Variants in NRXN1 observed in about 807,000 individuals in gnomAD.
The protein encoded by NRXN1 is neurexin-1.
In NRXN1, 39 loss-of-function variants were observed where a neutral mutation model predicts 150.9. That is an observed-to-expected ratio of 0.26 (90% confidence interval 0.20 to 0.34). NRXN1 has a LOEUF of 0.34. NRXN1 is among the 10% of genes least tolerant of loss of function. The probability of loss-of-function intolerance (pLI) is 1.00; values close to 1 mark genes in which losing one functional copy is unlikely to be tolerated. For missense variants in NRXN1, 1,815 were observed against 1,949.9 expected (o/e 0.93, Z 1.30); for synonymous variants, 924 against 757.0 (o/e 1.22, Z -3.62).
chr2:50,128,591 CT>C (rs1355118635), intron 18 of NRXN1, among the ~76,000 whole-genome samples: 1 of 152,184 alleles, frequency 6.6e-6, no homozygotes, highest in African/African-American at 2.4e-5. Flanking sequence ...ATTAATCTCA[CT>C]GGAATTGCTG....
chr2:50,577,406 C>T (rs1027941853), intron 8 of NRXN1, among the ~76,000 whole-genome samples: 1 of 150,912 alleles, frequency 6.6e-6, no homozygotes, highest in Admixed American at 6.6e-5. Flanking sequence ...GTATCTAATT[C>T]TATGTCTCAT....
chr2:50,595,369 G>A (rs1407196472), intron 8 of NRXN1, among the ~76,000 whole-genome samples: 5 of 150,958 alleles, frequency 3.3e-5, no homozygotes, highest in African/African-American at 1.2e-4. Context: ...TTTGCAAGAA[G>A]TGGGGCATGC....
chr2:50,682,408 C>G (rs548134364), intron 5 of NRXN1, among the ~76,000 whole-genome samples: 15 of 152,194 alleles, frequency 9.9e-5, no homozygotes, highest in South Asian at 2.1e-4. Flanking sequence ...TAAGAATAGG[C>G]TTTGAACACA....
At chr2:50,680,639 A>G (rs1690242652) in intron 5 of NRXN1, among the ~76,000 whole-genome samples, 1 of 152,130 alleles carries the variant, frequency 6.6e-6, no homozygotes, top group Non-Finnish European at 1.5e-5. Context: ...AGAATATTAC[A>G]CAGCCTTTGT....
chr2:50,957,497 C>A (rs1243728144), intron 2 of NRXN1, among the ~76,000 whole-genome samples: 3 of 152,044 alleles, frequency 2.0e-5, no homozygotes, highest in African/African-American at 7.2e-5. Flanking sequence ...AATAGCCCTA[C>A]AACAAAAATT....
intron 2 of NRXN1, among the ~76,000 whole-genome samples, chr2:50,968,060 A>G (rs913938454): frequency 6.6e-6 from 1 of 152,198 alleles, no homozygotes; most frequent in East Asian, 1.9e-4. Context: ...TGATTAAAAT[A>G]AAATAAGACT....
At chr2:50,207,128 A>T (rs527673) in intron 18 of NRXN1, among the ~76,000 whole-genome samples, 56,121 of 151,928 alleles carry the variant, frequency 0.37, 11,014 homozygotes, top group Non-Finnish European at 0.43. Flanking sequence ...TGGGGTATAA[A>T]CAAGATTAAT....
rs58970263 is a variant in NRXN1 at position 50,658,411 on chromosome 2, G to GGT, written c.833-34798_833-34797dup. Among the ~76,000 whole-genome samples the GGT allele has an allele frequency of 2.0e-3, 286 of 144,760 alleles. 2 individuals are homozygous for GGT. In the East Asian group the frequency reaches 0.022, roughly 11 times the overall value. 95.0% of individuals were successfully genotyped at this position (144,760 alleles called of 152,430 possible). A position where few individuals can be genotyped will look rare whatever the true frequency, so the allele number is the denominator to read the frequency against. Reference sequence around the variant, plus strand: ...TTAATTTACAGGAAATGCATTCACTGGTGTGTGTGTGTGTGTGTGTGTGTG... The same window carrying GGT: ...TTAATTTACAGGAAATGCATTCACTGGTGTGTGTGTGTGTGTGTGTGTGTGTG... On this transcript the variant is annotated intron_variant, in intron 5 of 22. Transcript: ENST00000401669.
chr2:50,069,853 T>TTTG (rs1553557564), intron 19 of NRXN1, among the ~76,000 whole-genome samples: 14 of 73,430 alleles, frequency 1.9e-4, no homozygotes, highest in African/African-American at 7.4e-4. Flanking sequence ...GGGGGTTTTT[T>TTTG]TTTTTTTTTT....
chr2:50,512,895 T>C (rs2092504697), intron 12 of NRXN1, among the ~76,000 whole-genome samples: 1 of 152,170 alleles, frequency 6.6e-6, no homozygotes, highest in Non-Finnish European at 1.5e-5. Flanking sequence ...ACGGGTGTGT[T>C]TTTTCACATA....
Position 49,947,810 on chromosome 2 carries a change from T to C in NRXN1, c.4129-4019A>G, listed in dbSNP as rs148304839. Among the ~76,000 whole-genome samples the C allele has an allele frequency of 3.3e-3, 498 of 152,182 alleles. 3 individuals carry two copies. Among genetic ancestry groups the C allele is most frequent in the African/African-American group, 0.011 (467 of 41,540 alleles). On this transcript the variant is annotated intron_variant, in intron 21 of 22. Transcript: ENST00000401669. ...TCTCCTAAAAATATGGACAGCATAA[T>C]AGTATCTATTGTTACAAGGATGAAA... is the stretch of plus-strand genomic sequence containing the variant.
At chr2:50,107,551 T>TA (rs1701842221) in intron 18 of NRXN1, among the ~76,000 whole-genome samples, 2 of 142,726 alleles carry the variant, frequency 1.4e-5, no homozygotes, top group Admixed American at 6.9e-5. Context: ...TTTTTTTTTT[T>TA]ACCCAAGTAC....
At chr2:50,770,665 A>C (rs1702903395) in intron 5 of NRXN1, among the ~76,000 whole-genome samples, 1 of 152,102 alleles carries the variant, frequency 6.6e-6, no homozygotes, top group African/African-American at 2.4e-5. Flanking sequence ...AAATAAATTC[A>C]GCATATTCTT....
At chr2:50,659,478 A>G (rs1278796834) in intron 5 of NRXN1, among the ~76,000 whole-genome samples, 2 of 151,846 alleles carry the variant, frequency 1.3e-5, no homozygotes, top group Non-Finnish European at 2.9e-5. Context: ...ACACATTGGT[A>G]TACTGTCTGG....
rs562085142 is a variant in NRXN1 at position 50,805,475 on chromosome 2, C to T, written c.832+116394G>A. Reference sequence around the variant, plus strand: ...TTCGAGACCAGCCTGGCCGACATGGCAAACCCCATCATTACTAAAAAAATA... The same window carrying T: ...TTCGAGACCAGCCTGGCCGACATGGTAAACCCCATCATTACTAAAAAAATA... On this transcript the variant is annotated intron_variant, in intron 5 of 22. Coordinates refer to ENST00000401669, the MANE Select transcript of NRXN1 (RefSeq NM_001330078.2). 1.2e-4 allele frequency among the ~76,000 whole-genome samples: 18 copies of T among 152,016 alleles called. 1 individual carries two copies. In the South Asian group the frequency reaches 3.5e-3, roughly 30 times the overall value.
At position 49,926,283 on chromosome 2, in the gene NRXN1, G is replaced by T. The variant is rs1021343532; in HGVS notation, c.4217-4032C>A. ...TGGGACTCTTGCACTTATAAAGCAT[G>T]TTACCTTAAAGGACCACTGAAAAGT... On this transcript the variant is annotated intron_variant, in intron 22 of 22. Transcript: ENST00000401669. 7.5e-5 allele frequency: 30 copies of T among 398,212 alleles called. No individual in the cohort carries two copies. The highest frequency in any genetic ancestry group is 1.2e-4 in the Non-Finnish European group (26 of 225,924). The allele number at this position is 398,212 out of a possible 1,614,324, so 24.7% of individuals were successfully genotyped here.
intron 21 of NRXN1, among the ~76,000 whole-genome samples, chr2:50,012,663 T>G (rs1167872573): frequency 2.0e-5 from 3 of 152,132 alleles, no homozygotes; most frequent in African/African-American, 7.2e-5. Flanking sequence ...TATCCAAAGA[T>G]TCATTCATTT....
chr2:50,384,513 A>AT lies in NRXN1; in HGVS notation c.3364+80928_3364+80929insA, dbSNP rs558484851. Among the ~76,000 whole-genome samples the AT allele has an allele frequency of 4.0e-5, 3 of 75,668 alleles. 1 individual carries two copies. Among genetic ancestry groups the AT allele is most frequent in the African/African-American group, 1.0e-4 (2 of 20,078 alleles). The allele number at this position is 75,668 out of a possible 152,430, so 49.6% of individuals were successfully genotyped here. A position where few individuals can be genotyped will look rare whatever the true frequency, so the allele number is the denominator to read the frequency against. On this transcript the variant is annotated intron_variant, in intron 17 of 22. Transcript: ENST00000401669. ...AGAGCAAGACTCCATCTCAAAAAAA[A>AT]AAAAAAAAAAAAAAAAAAAAAATGC... is the stretch of plus-strand genomic sequence containing the variant.
rs530730212 is a variant in NRXN1, at chr2:50,303,624, G to A, written c.3365-66654C>T. ...AATATTCTCTGTAAACCTTTCATGTGTATTTGCATGTAAATAATGAAATAT... is the reference window on the plus strand; with the variant it reads ...AATATTCTCTGTAAACCTTTCATGTATATTTGCATGTAAATAATGAAATAT... On this transcript the variant is annotated intron_variant, in intron 17 of 22. Coordinates refer to ENST00000401669, the MANE Select transcript of NRXN1 (RefSeq NM_001330078.2). Among the ~76,000 whole-genome samples the A allele has an allele frequency of 9.2e-5, 14 of 152,122 alleles. No homozygotes were observed. In the South Asian group the frequency reaches 2.9e-3, roughly 32 times the overall value.
Sources: gnomAD v4.1 joint callset for allele counts (sites outside exome capture counted in the v4.1 genomes callset) on GRCh38, gnomAD v4.1.1 for gene constraint, MANE v1.5 for transcripts, NCBI Gene and HGNC (gene_info 2026-07-23, HGNC 2026-07-21) for gene names.